Variants in SORCS3 observed in about 807,000 individuals in gnomAD.
The protein encoded by SORCS3 is VPS10 domain-containing receptor SorCS3.
Under a neutral mutation model 146.3 loss-of-function variants are expected in SORCS3, and 57 were observed. That is an observed-to-expected ratio of 0.39 (90% CI 0.31 to 0.49). SORCS3 has a LOEUF of 0.49. Ranked by LOEUF, SORCS3 falls within the 20% of genes least tolerant of loss-of-function variation. SORCS3 has a pLI of 0.92. For missense variants in SORCS3, 1,341 were observed against 1,575.5 expected (o/e 0.85, Z 2.52); for synonymous variants, 653 against 618.5 (o/e 1.06, Z -0.83).
intron 3 of SORCS3, among the ~76,000 whole-genome samples, chr10:104,962,076 A>T (rs968380669): frequency 6.6e-6 from 1 of 152,214 alleles, no homozygotes; most frequent in South Asian, 2.1e-4. Context: ...TCGCAGTTCA[A>T]TGTGATTATG....
chr10:104,816,685 T>C (rs1217497743), intron 1 of SORCS3, among the ~76,000 whole-genome samples: 1 of 152,134 alleles, frequency 6.6e-6, no homozygotes, highest in African/African-American at 2.4e-5. Context: ...AAAACCACTT[T>C]GTGGTGAGGA....
At chr10:104,864,256 A>T (rs911590738) in intron 2 of SORCS3, among the ~76,000 whole-genome samples, 9 of 152,166 alleles carry the variant, frequency 5.9e-5, no homozygotes, top group African/African-American at 1.9e-4. Flanking sequence ...AAAAATTTTT[A>T]AAAAGATTTT....
intron 6 of SORCS3, among the ~76,000 whole-genome samples, chr10:105,103,720 C>G (rs1220398106): frequency 6.6e-6 from 1 of 152,166 alleles, no homozygotes; most frequent in Non-Finnish European, 1.5e-5. Context: ...GGAATCAATA[C>G]TAGACCTAGT....
chr10:104,883,300 TAA>T, intron 2 of SORCS3, among the ~76,000 whole-genome samples: 1 of 152,290 alleles, frequency 6.6e-6, no homozygotes, highest in South Asian at 2.1e-4. Context: ...TCAGTAAAGT[TAA>T]AAACCATCTT....
chr10:104,685,178 T>G (rs190019253), intron 1 of SORCS3, among the ~76,000 whole-genome samples: 127 of 152,254 alleles, frequency 8.3e-4, no homozygotes, highest in Non-Finnish European at 1.6e-3. Flanking sequence ...AATAAATAGA[T>G]AGCAGACATG....
intron 14 of SORCS3, among the ~76,000 whole-genome samples, chr10:105,199,169 T>C (rs1039889174): frequency 5.9e-5 from 9 of 152,044 alleles, no homozygotes; most frequent in Non-Finnish European, 1.3e-4. Context: ...ATCACTATGA[T>C]AGATGTCTTG....
At chr10:104,642,393 C>A (rs1417237943) in intron 1 of SORCS3, among the ~76,000 whole-genome samples, 4 of 136,586 alleles carry the variant, frequency 2.9e-5, no homozygotes, top group East Asian at 2.4e-4. Context: ...CCCACCCCCA[C>A]CCCCCCTCCC....
chr10:104,931,660 G>T (rs1052606689), intron 3 of SORCS3, among the ~76,000 whole-genome samples: 3 of 152,198 alleles, frequency 2.0e-5, no homozygotes, highest in East Asian at 3.9e-4. Context: ...GCTCCAGAAA[G>T]ACTGGAACCA....
chr10:105,020,275 A>G (rs1039483918), intron 4 of SORCS3, among the ~76,000 whole-genome samples: 4 of 152,202 alleles, frequency 2.6e-5, no homozygotes, highest in African/African-American at 9.6e-5. Flanking sequence ...AGTCTTTTAA[A>G]TTAAGGGCCT....
chr10:104,933,140 ACT>A (rs1157621601), intron 3 of SORCS3, among the ~76,000 whole-genome samples: 1 of 151,984 alleles, frequency 6.6e-6, no homozygotes, highest in African/African-American at 2.4e-5. Flanking sequence ...GATACAGAAA[ACT>A]CTGCCTGAAA....
At chr10:104,991,892 C>T (rs2054996892) in intron 4 of SORCS3, among the ~76,000 whole-genome samples, 1 of 152,140 alleles carries the variant, frequency 6.6e-6, no homozygotes, top group Non-Finnish European at 1.5e-5. Context: ...AAGACCCAGT[C>T]TCCATATATA....
intron 1 of SORCS3, among the ~76,000 whole-genome samples, chr10:104,758,728 C>T (rs542537398): frequency 7.2e-5 from 11 of 152,280 alleles, no homozygotes; most frequent in South Asian, 2.1e-4. Flanking sequence ...TGTGGCTCCT[C>T]GCCAAGTAGG....
At chr10:104,766,772 C>T (rs1021075919) in intron 1 of SORCS3, among the ~76,000 whole-genome samples, 2 of 152,178 alleles carry the variant, frequency 1.3e-5, no homozygotes, top group African/African-American at 2.4e-5. Flanking sequence ...TGTGGGGCCA[C>T]GGTACCTCTG....
intron 1 of SORCS3, among the ~76,000 whole-genome samples, chr10:104,746,864 G>A (rs1320051368): frequency 1.3e-5 from 2 of 152,188 alleles, no homozygotes; most frequent in African/African-American, 4.8e-5. Flanking sequence ...GCCAGGGGTA[G>A]GATATTCATA....
chr10:105,060,869 G>A (rs12240510), intron 5 of SORCS3, among the ~76,000 whole-genome samples: 65 of 151,984 alleles, frequency 4.3e-4, no homozygotes, highest in African/African-American at 1.5e-3. Context: ...CCCGGGAGGC[G>A]GAGGTTGTGG....
intron 22 of SORCS3, among the ~76,000 whole-genome samples, chr10:105,248,697 G>C (rs936957647): frequency 3.0e-5 from 4 of 133,834 alleles, no homozygotes; most frequent in Non-Finnish European, 6.1e-5. Flanking sequence ...CCTGGTGACA[G>C]AGTGAGACTC....
Position 104,641,914 on chromosome 10 carries a change from A to G in SORCS3, c.587A>G (p.His196Arg). ...TTCGCGCTGACCGGGGACTCGGCCC[A>G]CAACCAAGCCATGGTGCACTGGTCG... ...TSFALTGDSA[H>R]NQAMVHWSGH... Residue 196 changes from histidine to arginine, a missense_variant, in exon 1 of 27, where the codon CAC (histidine) becomes CGC (arginine). Transcript: ENST00000369701. The surrounding 1 kb of genome is among the most constrained non-coding windows in gnomAD (Gnocchi z 6.4). The G allele has an allele frequency of 1.9e-6, 3 of 1,560,522 alleles. No homozygotes were observed. Among genetic ancestry groups the G allele is most frequent in the Non-Finnish European group, 2.6e-6 (3 of 1,154,604 alleles).
intron 22 of SORCS3, 119 bp downstream of exon 22, chr10:105,247,450 G>T: frequency 1.8e-6 from 1 of 551,836 alleles, no homozygotes; most frequent in Admixed American, 3.4e-5. Context: ...TTATTTCTCT[G>T]TAAAAAGAGA....
intron 3 of SORCS3, among the ~76,000 whole-genome samples, chr10:104,919,522 C>A: frequency 6.6e-6 from 1 of 152,042 alleles, no homozygotes; most frequent in East Asian, 1.9e-4. Context: ...GAAACCCTGT[C>A]TCTGCTAAAA....
Sources: gnomAD v4.1 joint callset for allele counts (sites outside exome capture counted in the v4.1 genomes callset) on GRCh38, gnomAD v4.1.1 for gene constraint, Gnocchi (gnomAD v3.1) non-coding constraint, MANE v1.5 for transcripts, NCBI Gene and HGNC (gene_info 2026-07-23, HGNC 2026-07-21) for gene names.